The following MYO16 variants were observed in gnomAD, a reference collection of about 807,000 sequenced individuals.
The protein encoded by MYO16 is myosin XVI, also known as unconventional myosin-XVI.
A neutral mutation model predicts 205.3 loss-of-function variants in MYO16; 94 were observed. That is an observed-to-expected ratio of 0.46 (90% confidence interval 0.39 to 0.54). The LOEUF (loss-of-function observed/expected upper bound fraction) is 0.54, where lower values mean the gene tolerates loss of function less well. Ranked by LOEUF, MYO16 falls within the 20% of genes least tolerant of loss-of-function variation. MYO16 has a pLI of 0.00. For missense variants in MYO16, 2,315 were observed against 2,387.5 expected (o/e 0.97, Z 0.63); for synonymous variants, 988 against 954.0 (o/e 1.04, Z -0.66).
intron 2 of MYO16, among the ~76,000 whole-genome samples, chr13:108,692,416 T>A (rs1882933359): frequency 6.6e-6 from 1 of 152,230 alleles, no homozygotes. Context: ...ATGCTCTTCA[T>A]GCGAGGACAT....
In MYO16 at chr13:108,642,423, C is replaced by T. The variant is rs1291289790; in HGVS notation, c.28+12551C>T. 5.3e-5 allele frequency among the ~76,000 whole-genome samples: 8 copies of T among 152,216 alleles called. No individual in the cohort carries two copies. In the South Asian group the frequency reaches 8.3e-4, roughly 16 times the overall value. ...TGCTCTTCCCCACTTTAATCAGACA[C>T]GTTGGTAACTTTGGGTGTTTTTGTT... On this transcript the variant is annotated intron_variant, in intron 1 of 34. Transcript: ENST00000457511.
chr13:108,674,164 C>T (rs1371989219), intron 2 of MYO16, among the ~76,000 whole-genome samples: 1 of 152,140 alleles, frequency 6.6e-6, no homozygotes, highest in Non-Finnish European at 1.5e-5. Context: ...GTACCCCATT[C>T]CCAAAAGTGT....
At chr13:108,535,880 TA>T in the MYO16 span, among the ~76,000 whole-genome samples, 1 of 152,224 alleles carries the variant, frequency 6.6e-6, no homozygotes, top group Non-Finnish European at 1.5e-5. Context: ...TTATTTGTCT[TA>T]ATACCCTTTC....
intron 27 of MYO16, among the ~76,000 whole-genome samples, chr13:109,069,967 T>A (rs912373483): frequency 3.9e-5 from 6 of 152,170 alleles, no homozygotes; most frequent in Non-Finnish European, 8.8e-5. Flanking sequence ...CAGGCACAAC[T>A]ATTAGGGCAC....
At chr13:108,882,910 T>C in intron 12 of MYO16, 149 bp from the exon 13 acceptor site, 1 of 1,170,798 alleles carries the variant, frequency 8.5e-7, no homozygotes, top group East Asian at 2.4e-5. Context: ...AAGGGTGTAA[T>C]TTTACAAATG....
chr13:109,022,375 A>G lies in MYO16; in HGVS notation c.2796+2464A>G, dbSNP rs1437884418. On this transcript the variant is annotated intron_variant, in intron 23 of 34. Coordinates refer to ENST00000457511, the MANE Select transcript of MYO16 (RefSeq NM_001198950.3). ...ATATATATGTATATATGTATGTATT[A>G]TATATACAAATATACATATATGTAT... Among the ~76,000 whole-genome samples, 43 of 82,760 alleles carry G rather than the reference A, an allele frequency of 5.2e-4. 1 individual carries two copies. Among genetic ancestry groups the G allele is most frequent in the Admixed American group, 1.6e-3 (8 of 5,026 alleles). The allele number at this position is 82,760 out of a possible 152,430, so 54.3% of individuals were successfully genotyped here. A position where few individuals can be genotyped will look rare whatever the true frequency, so the allele number is the denominator to read the frequency against.
chr13:108,706,139 G>A (rs1380041550), intron 2 of MYO16, among the ~76,000 whole-genome samples: 1 of 152,086 alleles, frequency 6.6e-6, no homozygotes, highest in African/African-American at 2.4e-5. Flanking sequence ...ACATGTACAA[G>A]AAATAATGAT....
chr13:108,947,363 C>T (rs1254533712), intron 16 of MYO16, among the ~76,000 whole-genome samples: 1 of 152,150 alleles, frequency 6.6e-6, no homozygotes, highest in Non-Finnish European at 1.5e-5. Flanking sequence ...ACAGAACCCT[C>T]CCTAGGCTGA....
At chr13:108,834,687 A>AAT (rs370846569) in intron 9 of MYO16, among the ~76,000 whole-genome samples, 4,027 of 147,730 alleles carry the variant, frequency 0.027, 131 homozygotes, top group East Asian at 0.11. Flanking sequence ...TATATATGTG[A>AAT]ATATATATAT....
At chr13:108,869,306 G>A (rs990395018) in intron 12 of MYO16, among the ~76,000 whole-genome samples, 6 of 152,026 alleles carry the variant, frequency 3.9e-5, no homozygotes, top group Non-Finnish European at 7.4e-5. Context: ...ATCATCCCGT[G>A]TGCTCTTCTG....
chr13:109,185,961 T>A (rs1879670328), intron 34 of MYO16, among the ~76,000 whole-genome samples: 1 of 152,202 alleles, frequency 6.6e-6, no homozygotes, highest in African/African-American at 2.4e-5. Context: ...TTTTTTCCAT[T>A]TTGATACATG....
chr13:108,545,516 AC>A, the MYO16 span, among the ~76,000 whole-genome samples: 1 of 152,306 alleles, frequency 6.6e-6, no homozygotes, highest in Middle Eastern at 3.4e-3. Flanking sequence ...TTGGGCATAC[AC>A]CCAGTAATTG....
chr13:109,207,222 A>T lies in MYO16; in HGVS notation c.*386A>T, dbSNP rs1041402140. ...TACGGTTCAACAGTCTGTTTATTGTACTTCCAATGGTTTTATTATAATACA... is the reference window on the plus strand; with the variant it reads ...TACGGTTCAACAGTCTGTTTATTGTTCTTCCAATGGTTTTATTATAATACA... On this transcript the variant is annotated 3_prime_UTR_variant, in exon 35 of 35. Coordinates refer to ENST00000457511, the MANE Select transcript of MYO16 (RefSeq NM_001198950.3). 9 of 186,188 alleles carry T rather than the reference A, an allele frequency of 4.8e-5. No individual in the cohort carries two copies. The highest frequency in any genetic ancestry group is 9.0e-5 in the Non-Finnish European group (8 of 88,794). The allele number at this position is 186,188 out of a possible 1,614,324, so 11.5% of individuals were successfully genotyped here. A position where few individuals can be genotyped will look rare whatever the true frequency, so the allele number is the denominator to read the frequency against.
At chr13:108,888,327 G>T in intron 13 of MYO16, 45 bp from the exon 14 acceptor site, 2 of 1,384,236 alleles carry the variant, frequency 1.4e-6, no homozygotes, top group Non-Finnish European at 2.0e-6. Context: ...AAGCTTTGAA[G>T]CAAAGTTCCT....
rs138820296 is a variant in MYO16, at chr13:108,942,340, T to G, written c.1926-15348T>G. ...AGACAAGGGATTGTGTTAATAATGT[T>G]TGAAGAATTCCCAAGATCATAAAGC... On this transcript the variant is annotated intron_variant, in intron 16 of 34. Transcript: ENST00000457511. Among the ~76,000 whole-genome samples, 581 of 152,328 alleles carry G rather than the reference T, an allele frequency of 3.8e-3. 5 individuals carry two copies. The highest frequency in any genetic ancestry group is 0.012 in the African/African-American group (510 of 41,586).
chr13:109,122,799 T>A (rs9583338), intron 29 of MYO16, among the ~76,000 whole-genome samples: 49,343 of 152,014 alleles, frequency 0.32, 8,541 homozygotes, highest in Non-Finnish European at 0.39. Flanking sequence ...GGCTTGTAAA[T>A]GCAAAGCATT....
rs1877104111 is a variant in MYO16 at position 109,141,659 on chromosome 13, G to A, written c.5164+283G>A. ...ATAAATTATAACTTGATAAATGTTC[G>A]ACAGAGCAAGGTTAAATGTTAGCTA... On this transcript the variant is annotated intron_variant, in intron 32 of 34. Transcript: ENST00000457511. This position sits in a 1 kb window ranked among gnomAD's most constrained non-coding sequence, Gnocchi z 4.1. Among the ~76,000 whole-genome samples the A allele has an allele frequency of 6.6e-6, 1 of 152,150 alleles. No individual in the cohort carries two copies. The highest frequency in any genetic ancestry group is 2.4e-5 in the African/African-American group (1 of 41,438).
chr13:108,809,386 T>C (rs1460489180), intron 7 of MYO16, among the ~76,000 whole-genome samples: 2 of 152,182 alleles, frequency 1.3e-5, no homozygotes, highest in Non-Finnish European at 2.9e-5. Context: ...GACTGGGTAA[T>C]TTATAAAGAA....
chr13:109,000,413 G>A (rs9555537), intron 21 of MYO16, among the ~76,000 whole-genome samples: 8 of 152,020 alleles, frequency 5.3e-5, no homozygotes, highest in Admixed American at 2.6e-4. Context: ...GTGTGAGGCC[G>A]CAGGAGCTGC....
Sources: allele counts gnomAD v4.1 joint callset (sites outside exome capture counted in the v4.1 genomes callset), GRCh38; gene constraint gnomAD v4.1.1; non-coding constraint Gnocchi (gnomAD v3.1); transcripts MANE v1.5; gene names NCBI Gene and HGNC (gene_info 2026-07-23, HGNC 2026-07-21).